Variants in DNAH9 observed in about 807,000 individuals in gnomAD.
DNAH9 encodes the protein DNAH9 variant protein.
A neutral mutation model predicts 471.6 loss-of-function variants in DNAH9; 345 were observed. That is an observed-to-expected ratio of 0.73 (90% CI 0.67 to 0.80). The LOEUF (loss-of-function observed/expected upper bound fraction) is 0.80. Among genes scored for constraint, DNAH9 ranks in the 30% least tolerant of loss-of-function variants. DNAH9 has a pLI of 0.00. For missense variants in DNAH9, 5,407 were observed against 5,609.2 expected (o/e 0.96, Z 1.15); for synonymous variants, 2,093 against 2,123.6 (o/e 0.99, Z 0.40).
At chr17:11,631,058 T>C (rs2073056335) in intron 7 of DNAH9, among the ~76,000 whole-genome samples, 1 of 152,014 alleles carries the variant, frequency 6.6e-6, no homozygotes, top group Non-Finnish European at 1.5e-5. Flanking sequence ...ACAGCCTGGG[T>C]TTTCTGATCT....
At chr17:11,624,214 T>C (rs1309792492) in intron 6 of DNAH9, among the ~76,000 whole-genome samples, 1 of 152,114 alleles carries the variant, frequency 6.6e-6, no homozygotes. Flanking sequence ...CTTGCAATCA[T>C]CTTAAGAACT....
intron 59 of DNAH9, 53 bp from the exon 60 acceptor site, chr17:11,902,666 C>A: frequency 6.5e-7 from 1 of 1,540,424 alleles, no homozygotes; most frequent in Non-Finnish European, 8.9e-7. Flanking sequence ...CAACACAATG[C>A]AAATGACAGC....
chr17:11,610,458 A>T lies in DNAH9; in HGVS notation c.677A>T (p.Tyr226Phe). The T allele has an allele frequency of 1.9e-6, 3 of 1,613,764 alleles. No homozygotes were observed. Among genetic ancestry groups the T allele is most frequent in the Non-Finnish European group, 2.5e-6 (3 of 1,179,824 alleles). ...AIESAVIKWS[Y>F]QVQVVLKRES... ...GAGTCTGCAGTGATCAAATGGAGCT[A>T]CCAAGTCCAGGTGGTACTCAAGAGA... The change falls in exon 3 of 69, where the codon TAC (tyrosine) becomes TTC (phenylalanine). Residue 226 changes from tyrosine to phenylalanine, a missense_variant. Physicochemically the swap from Tyr to Phe is conservative, Grantham distance 22. This residue lies in a region of DNAH9 where 767 missense variants were observed against 692.5 expected (regional missense o/e 1.11). Coordinates refer to ENST00000262442, the MANE Select transcript of DNAH9 (RefSeq NM_001372.4).
chr17:11,903,736 C>G (rs1208189691), intron 60 of DNAH9, among the ~76,000 whole-genome samples: 1 of 152,026 alleles, frequency 6.6e-6, no homozygotes, highest in African/African-American at 2.4e-5. Context: ...ATGGTGAAAC[C>G]CTGTCCTACT....
intron 52 of DNAH9, among the ~76,000 whole-genome samples, chr17:11,874,283 T>A (rs1597772857): frequency 6.9e-6 from 1 of 144,516 alleles, no homozygotes. Flanking sequence ...AGAGAAAGGC[T>A]AACAAAGAAG....
At chr17:11,641,560 C>G (rs1270903851) in intron 10 of DNAH9, among the ~76,000 whole-genome samples, 1 of 152,170 alleles carries the variant, frequency 6.6e-6, no homozygotes, top group Non-Finnish European at 1.5e-5. Context: ...AAAGAAAGAA[C>G]TGGAAGAAAT....
At chr17:11,863,937 G>A (rs887432194) in intron 50 of DNAH9, among the ~76,000 whole-genome samples, 18 of 151,804 alleles carry the variant, frequency 1.2e-4, no homozygotes, top group Non-Finnish European at 1.0e-4. Flanking sequence ...TCTTGCTAGC[G>A]GTCTATCAAT....
In DNAH9 at chr17:11,698,844, T is replaced by G. The variant is rs148970488; in HGVS notation, c.4873-887T>G. Among the ~76,000 whole-genome samples, 24 of 152,242 alleles carry G rather than the reference T, an allele frequency of 1.6e-4. No homozygotes were observed. The East Asian group carries it at 4.7e-3, about 30-fold the overall frequency. ...CTGTAGAGGACCTCTACTCCTCAGA[T>G]GCCATGGCTGGGAGCAGCCCGGCAC... On this transcript the variant is annotated intron_variant, in intron 22 of 68. Transcript: ENST00000262442.
chr17:11,791,965 T>A (rs1969081461), intron 41 of DNAH9, among the ~76,000 whole-genome samples: 2 of 151,666 alleles, frequency 1.3e-5, no homozygotes, highest in Non-Finnish European at 2.9e-5. Flanking sequence ...GGAATCTAGG[T>A]TTTATGGGAA....
Position 11,606,443 on chromosome 17 carries a change from C to CTTTTTTTTTTTTTTTTTTTTTTTTT in DNAH9, c.418-1682_418-1681insTTTTTTTTTTTTTTTTTTTTTTTTT, listed in dbSNP as rs1404986645. Among the ~76,000 whole-genome samples the CTTTTTTTTTTTTTTTTTTTTTTTTT allele has an allele frequency of 2.9e-5, 2 of 69,136 alleles. 1 individual carries two copies. Among genetic ancestry groups the CTTTTTTTTTTTTTTTTTTTTTTTTT allele is most frequent in the Admixed American group, 5.1e-4 (2 of 3,896 alleles). The allele number at this position is 69,136 out of a possible 152,430, so 45.4% of individuals were successfully genotyped here. ...CTGACAACTTTCTTTCTTTTCTTTT[C>CTTTTTTTTTTTTTTTTTTTTTTTTT]TTTTCTTTTCTTTTTTTTTTTTTTG... On this transcript the variant is annotated intron_variant, in intron 1 of 68. Transcript: ENST00000262442.
chr17:11,826,820 C>CTTTTTTTT (rs760330537), intron 48 of DNAH9, among the ~76,000 whole-genome samples: 18 of 103,014 alleles, frequency 1.7e-4, no homozygotes, highest in East Asian at 1.4e-3. Context: ...TCCCTACTTT[C>CTTTTTTTT]TTTTTTTTTT....
intron 68 of DNAH9, among the ~76,000 whole-genome samples, chr17:11,966,983 C>T (rs1430262636): frequency 1.8e-4 from 24 of 132,816 alleles, no homozygotes; most frequent in African/African-American, 2.3e-4. Flanking sequence ...TGCAGTGAGC[C>T]GAGATCATGC....
At chr17:11,680,052 G>C (rs2074108563) in intron 18 of DNAH9, 73 bp downstream of exon 18, 1 of 1,205,396 alleles carries the variant, frequency 8.3e-7, no homozygotes, top group Admixed American at 2.0e-5. Flanking sequence ...GGGTAAAGTG[G>C]GGTACAGCAA....
intron 48 of DNAH9, among the ~76,000 whole-genome samples, chr17:11,826,523 C>T (rs1435615677): frequency 3.7e-5 from 5 of 134,818 alleles, no homozygotes; most frequent in Admixed American, 2.5e-4. Flanking sequence ...TGCAGTGGCG[C>T]GATCTCGGCT....
intron 65 of DNAH9, among the ~76,000 whole-genome samples, chr17:11,934,836 T>A (rs918966934): frequency 3.9e-5 from 6 of 152,158 alleles, no homozygotes; most frequent in African/African-American, 4.8e-5. Context: ...ATTCTAAATA[T>A]CCCTGGAGGA....
In DNAH9 at chr17:11,608,066, G is replaced by A. The variant is rs182103267; in HGVS notation, c.418-63G>A. ...AGCTTTATAAGCCTTTTCCAGATGA[G>A]GATTTCTTTAAGTTCTCAGAATTGG... is the stretch of plus-strand genomic sequence containing the variant. On this transcript the variant is annotated intron_variant, in intron 1 of 68. Coordinates refer to ENST00000262442, the MANE Select transcript of DNAH9 (RefSeq NM_001372.4). 28 of 1,307,372 alleles carry A rather than the reference G, an allele frequency of 2.1e-5. No homozygotes were observed. The Admixed American group carries it at 5.3e-4, about 25-fold the overall frequency. 81.0% of individuals were successfully genotyped at this position (1,307,372 alleles called of 1,614,324 possible).
At chr17:11,628,093 A>C (rs986624520) in intron 6 of DNAH9, among the ~76,000 whole-genome samples, 1 of 152,212 alleles carries the variant, frequency 6.6e-6, no homozygotes, top group African/African-American at 2.4e-5. Flanking sequence ...ATGTTGGCCA[A>C]AATGACACAA....
chr17:11,939,083 C>G (rs973691864), intron 66 of DNAH9, among the ~76,000 whole-genome samples: 2 of 151,996 alleles, frequency 1.3e-5, no homozygotes, highest in African/African-American at 4.8e-5. Context: ...TTTTAATATG[C>G]CTAAGAATGT....
chr17:11,728,155 G>A (rs964418372), intron 28 of DNAH9, among the ~76,000 whole-genome samples: 22 of 152,130 alleles, frequency 1.4e-4, no homozygotes, highest in African/African-American at 4.1e-4. Context: ...ACTCTGTTTC[G>A]TTCTCTGTAA....
Sources: gnomAD v4.1 joint callset for allele counts (sites outside exome capture counted in the v4.1 genomes callset) on GRCh38, gnomAD v4.1.1 for gene constraint, gnomAD v4.1.1 regional missense constraint, MANE v1.5 for transcripts, NCBI Gene and HGNC (gene_info 2026-07-23, HGNC 2026-07-21) for gene names.